NLGN1: variants seen among roughly 807,000 people sequenced by gnomAD.
The protein encoded by NLGN1 is neuroligin 1.
NLGN1 carries 12 observed loss-of-function variants against 65.5 expected under a neutral mutation model. The ratio of observed to expected loss-of-function variants is 0.18; its 90% CI spans 0.12 to 0.30. The LOEUF is 0.30. NLGN1 is among the 10% of genes least tolerant of loss of function. The pLI is 1.00. For synonymous variants in NLGN1, 350 were observed against 359.5 expected (o/e 0.97, Z 0.30); for missense variants, 750 against 1,007.1 (o/e 0.74, Z 3.46).
At chr3:174,273,870 T>C (rs1432893813) in intron 4 of NLGN1, among the ~76,000 whole-genome samples, 1 of 151,678 alleles carries the variant, frequency 6.6e-6, no homozygotes, top group Admixed American at 6.6e-5. Flanking sequence ...TTTTCTACAA[T>C]GATCCTAGAG....
At chr3:173,817,440 C>T (rs997546946) in intron 4 of NLGN1, among the ~76,000 whole-genome samples, 4 of 152,160 alleles carry the variant, frequency 2.6e-5, no homozygotes, top group Non-Finnish European at 4.4e-5. Flanking sequence ...TAAAGTGAGA[C>T]GGTTGGTAGT....
chr3:174,263,495 A>G (rs1264012955), intron 4 of NLGN1, among the ~76,000 whole-genome samples: 1 of 150,208 alleles, frequency 6.7e-6, no homozygotes, highest in Non-Finnish European at 1.5e-5. Context: ...ATCAGAGACT[A>G]GGATTGCAAC....
At chr3:173,839,974 A>T (rs2150667204) in intron 4 of NLGN1, among the ~76,000 whole-genome samples, 1 of 152,344 alleles carries the variant, frequency 6.6e-6, no homozygotes, top group South Asian at 2.1e-4. Context: ...CTAGTGTGGT[A>T]GATGTGGACA....
At chr3:174,085,793 A>G (rs1010852415) in intron 4 of NLGN1, among the ~76,000 whole-genome samples, 31 of 152,220 alleles carry the variant, frequency 2.0e-4, no homozygotes, top group African/African-American at 6.3e-4. Flanking sequence ...AGATTTAAAA[A>G]TACATATAAG....
intron 3 of NLGN1, among the ~76,000 whole-genome samples, chr3:173,797,953 G>A (rs1051247020): frequency 3.3e-5 from 5 of 152,032 alleles, no homozygotes; most frequent in Non-Finnish European, 7.4e-5. Context: ...CTGGCTCAGT[G>A]GCTATATAAG....
intron 2 of NLGN1, among the ~76,000 whole-genome samples, chr3:173,485,483 T>C (rs1576918758): frequency 6.6e-6 from 1 of 152,226 alleles, no homozygotes; most frequent in East Asian, 1.9e-4. Flanking sequence ...TAAAAAATTA[T>C]GCTAGAATTT....
rs567762925 is a variant in NLGN1 at position 174,049,397 on chromosome 3, A to G, written c.647-225918A>G. 2.6e-5 allele frequency among the ~76,000 whole-genome samples: 4 copies of G among 152,208 alleles called. No homozygotes were observed. In the East Asian group the frequency reaches 7.7e-4, roughly 29 times the overall value. ...TAAGATGCATGTGACAGTTATAGAT[A>G]GGACAAAGGAGAAAAGGGTTGAGCA... On this transcript the variant is annotated intron_variant, in intron 4 of 6. Coordinates refer to ENST00000457714, the Ensembl canonical transcript of NLGN1.
intron 2 of NLGN1, among the ~76,000 whole-genome samples, chr3:173,511,186 G>C (rs1338677337): frequency 1.3e-5 from 2 of 152,158 alleles, no homozygotes; most frequent in African/African-American, 4.8e-5. Flanking sequence ...TAAACAAAAT[G>C]CACTGAAACT....
At chr3:173,829,184 T>G (rs1721966660) in intron 4 of NLGN1, among the ~76,000 whole-genome samples, 1 of 152,062 alleles carries the variant, frequency 6.6e-6, no homozygotes, top group Middle Eastern at 3.2e-3. Flanking sequence ...AGAGGGAGCT[T>G]TCATATTCTG....
chr3:173,553,378 A>C (rs990566145), intron 2 of NLGN1, among the ~76,000 whole-genome samples: 4 of 152,248 alleles, frequency 2.6e-5, no homozygotes, highest in Non-Finnish European at 5.9e-5. Flanking sequence ...ATAGACCCAG[A>C]GAGAATTAAT....
intron 4 of NLGN1, among the ~76,000 whole-genome samples, chr3:173,933,602 T>C (rs1199400794): frequency 2.0e-5 from 3 of 152,180 alleles, no homozygotes; most frequent in Non-Finnish European, 4.4e-5. Flanking sequence ...CCAAGGATTT[T>C]GAGAGGAGTC....
intron 2 of NLGN1, among the ~76,000 whole-genome samples, chr3:173,485,979 G>C (rs1728111626): frequency 6.6e-6 from 1 of 151,890 alleles, no homozygotes; most frequent in African/African-American, 2.4e-5. Context: ...TCAGAAATCT[G>C]GCAAGGCCTC....
chr3:173,427,818 G>A (rs553151408), intron 1 of NLGN1, among the ~76,000 whole-genome samples: 13 of 150,344 alleles, frequency 8.6e-5, no homozygotes, highest in South Asian at 2.1e-4. Flanking sequence ...GTAAATATCA[G>A]TTAAGTCTTT....
chr3:174,226,295 C>G (rs1408350491), intron 4 of NLGN1, among the ~76,000 whole-genome samples: 1 of 152,100 alleles, frequency 6.6e-6, no homozygotes, highest in Non-Finnish European at 1.5e-5. Context: ...TCCCCCTACC[C>G]CCTTACCCAC....
intron 2 of NLGN1, among the ~76,000 whole-genome samples, chr3:173,508,421 A>G (rs74551757): frequency 6.6e-6 from 1 of 152,168 alleles, no homozygotes; most frequent in East Asian, 1.9e-4. Context: ...TTGAGATACC[A>G]TGAAACTACC....
chr3:174,282,854 A>G (rs1014902315), exon 7 of NLGN1: 1 of 151,996 alleles, frequency 6.6e-6, no homozygotes, highest in African/African-American at 2.4e-5. Context: ...TTGATAGTTT[A>G]TAAGATAATG....
intron 4 of NLGN1, among the ~76,000 whole-genome samples, chr3:173,950,556 T>C (rs546286836): frequency 6.6e-6 from 1 of 152,302 alleles, no homozygotes; most frequent in African/African-American, 2.4e-5. Flanking sequence ...CTCATGCCTG[T>C]AATCCGAGCA....
At chr3:173,880,625 A>G (rs1259867996) in intron 4 of NLGN1, among the ~76,000 whole-genome samples, 1 of 151,902 alleles carries the variant, frequency 6.6e-6, no homozygotes, top group Admixed American at 6.6e-5. Flanking sequence ...ATCATTAACA[A>G]TCATATGAAC....
intron 4 of NLGN1, among the ~76,000 whole-genome samples, chr3:173,924,025 T>C (rs1742543902): frequency 6.6e-6 from 1 of 152,162 alleles, no homozygotes. Context: ...CTATGTTTAA[T>C]ATTACCTTAT....
Sources: gnomAD v4.1 joint callset for allele counts (sites outside exome capture counted in the v4.1 genomes callset) on GRCh38, gnomAD v4.1.1 for gene constraint, MANE v1.5 for transcripts, NCBI Gene and HGNC (gene_info 2026-07-23, HGNC 2026-07-21) for gene names.